Variants in EXOC4 observed in about 807,000 individuals in gnomAD.
EXOC4 encodes the protein exocyst complex component 4, also known as SEC8-like 1.
EXOC4 carries 71 observed loss-of-function variants against 107.2 expected under a neutral mutation model. The ratio of observed to expected loss-of-function variants is 0.66; its 90% CI spans 0.55 to 0.81. EXOC4 has a LOEUF of 0.81. Ranked by LOEUF, EXOC4 falls within the 30% of genes least tolerant of loss-of-function variation. The pLI is 0.00. For synonymous variants in EXOC4, 456 were observed against 441.2 expected (o/e 1.03, Z -0.42); for missense variants, 1,108 against 1,189.6 (o/e 0.93, Z 1.01).
downstream of EXOC4, among the ~76,000 whole-genome samples, chr7:134,068,528 T>G (rs980962123): frequency 2.6e-5 from 4 of 151,380 alleles, no homozygotes; most frequent in African/African-American, 9.7e-5. Context: ...AACCTCTTTT[T>G]CATTATAAAT....
intron 14 of EXOC4, among the ~76,000 whole-genome samples, chr7:133,952,159 GA>G (rs552541214): frequency 2.2e-4 from 28 of 127,338 alleles, no homozygotes; most frequent in Middle Eastern, 3.9e-3. Flanking sequence ...CTGTGTCTCA[GA>G]AAAAAAAAAA....
chr7:133,340,423 C>CTTTTTTTTTTTTTTTTTTTTTTTTTTTT (rs200341512), intron 5 of EXOC4, among the ~76,000 whole-genome samples: 1 of 129,558 alleles, frequency 7.7e-6, no homozygotes, highest in Non-Finnish European at 1.7e-5. Flanking sequence ...TAGTATTTTT[C>CTTTTTTTTTTTTTTTTTTTTTTTTTTTT]TTTTTTTTTT....
intron 9 of EXOC4, among the ~76,000 whole-genome samples, chr7:133,534,104 C>T (rs564693591): frequency 2.0e-5 from 3 of 152,166 alleles, no homozygotes; most frequent in African/African-American, 4.8e-5. Flanking sequence ...CCAGTGTTCC[C>T]TGTATTTTCA....
At chr7:133,301,421 C>G (rs2150562242) in intron 3 of EXOC4, among the ~76,000 whole-genome samples, 1 of 152,250 alleles carries the variant, frequency 6.6e-6, no homozygotes, top group East Asian at 1.9e-4. Context: ...TACTGCAACT[C>G]CAAGGTAGAC....
At chr7:133,367,348 G>A (rs1227154852) in intron 6 of EXOC4, among the ~76,000 whole-genome samples, 1 of 152,160 alleles carries the variant, frequency 6.6e-6, no homozygotes, top group Non-Finnish European at 1.5e-5. Context: ...GTGGAGGGTT[G>A]TGGAGCCAGT....
chr7:133,574,297 A>G (rs1003315791), intron 9 of EXOC4, among the ~76,000 whole-genome samples: 1 of 152,216 alleles, frequency 6.6e-6, no homozygotes, highest in Non-Finnish European at 1.5e-5. Context: ...TATGAACTCT[A>G]TATACATACA....
chr7:133,672,034 T>C (rs937099234), intron 10 of EXOC4, among the ~76,000 whole-genome samples: 14 of 152,140 alleles, frequency 9.2e-5, no homozygotes, highest in African/African-American at 3.4e-4. Context: ...GATGGAAATG[T>C]TTTATATCTT....
At chr7:133,795,869 A>G (rs961189226) in intron 10 of EXOC4, among the ~76,000 whole-genome samples, 1 of 152,174 alleles carries the variant, frequency 6.6e-6, no homozygotes, top group Admixed American at 6.5e-5. Context: ...TTTAAAAATT[A>G]CCATTATTAT....
chr7:133,912,105 A>T (rs1003236517), intron 12 of EXOC4, among the ~76,000 whole-genome samples: 4 of 152,256 alleles, frequency 2.6e-5, no homozygotes, highest in Admixed American at 2.0e-4. Context: ...ACATACAAAG[A>T]CAGCTGATGG....
At chr7:133,950,702 T>C (rs902234016) in intron 14 of EXOC4, among the ~76,000 whole-genome samples, 2 of 152,230 alleles carry the variant, frequency 1.3e-5, no homozygotes, top group African/African-American at 4.8e-5. Flanking sequence ...TTAAGATTTG[T>C]GGATTATTGT....
At chr7:133,979,622 C>A (rs1006053644) in intron 14 of EXOC4, among the ~76,000 whole-genome samples, 1 of 151,996 alleles carries the variant, frequency 6.6e-6, no homozygotes, top group African/African-American at 2.4e-5. Context: ...CCTGTCTCTA[C>A]CAAAAATACA....
intron 9 of EXOC4, among the ~76,000 whole-genome samples, chr7:133,511,144 T>C (rs1020301312): frequency 6.6e-6 from 1 of 152,178 alleles, no homozygotes; most frequent in African/African-American, 2.4e-5. Flanking sequence ...GCCTGAGGTC[T>C]GTGAATTAAA....
At chr7:133,802,782 GA>G (rs33992356) in intron 10 of EXOC4, among the ~76,000 whole-genome samples, 149,405 of 149,406 alleles carry the variant, frequency 1, 74,702 homozygotes, top group Non-Finnish European at 1. Flanking sequence ...GGGAGGCGGA[GA>G]GTTGCAGTGA....
chr7:133,626,212 A>AT lies in EXOC4; in HGVS notation c.1418-3833_1418-3832insT, dbSNP rs147142771. Among the ~76,000 whole-genome samples, 1,270 of 152,082 alleles carry AT rather than the reference A, an allele frequency of 8.4e-3. 62 individuals are homozygous for AT. The East Asian group carries it at 0.14, about 17-fold the overall frequency. ...ACAGAGCAAGACTCCATCTCCAAAA[A>AT]AAAAAGGTTCCTGACAGTAGGTCCC... On this transcript the variant is annotated intron_variant, in intron 9 of 17. Transcript: ENST00000253861.
Position 133,896,887 on chromosome 7 carries a change from A to T in EXOC4, c.1871+1152A>T, listed in dbSNP as rs75977296. On this transcript the variant is annotated intron_variant, in intron 12 of 17. Coordinates refer to ENST00000253861, the MANE Select transcript of EXOC4 (RefSeq NM_021807.4). Reference sequence around the variant, plus strand: ...ACCATGTTGGCCAGGCTGGTCGCGAATTCCTAACCTCATGATCCGCCCACC... The same window carrying T: ...ACCATGTTGGCCAGGCTGGTCGCGATTTCCTAACCTCATGATCCGCCCACC... Among the ~76,000 whole-genome samples the T allele has an allele frequency of 1.4e-4, 5 of 36,668 alleles. 2 individuals are homozygous for T. Among genetic ancestry groups the T allele is most frequent in the African/African-American group, 6.0e-4 (1 of 1,680 alleles). The allele number at this position is 36,668 out of a possible 152,430, so 24.1% of individuals were successfully genotyped here.
At chr7:133,949,354 C>A (rs116500590) in intron 14 of EXOC4, among the ~76,000 whole-genome samples, 7 of 152,222 alleles carry the variant, frequency 4.6e-5, no homozygotes, top group African/African-American at 1.7e-4. Context: ...GAGCTCTGGT[C>A]GTTGAATCCT....
At chr7:133,419,968 T>C (rs76427063) in intron 7 of EXOC4, among the ~76,000 whole-genome samples, 70 of 150,594 alleles carry the variant, frequency 4.6e-4, no homozygotes, top group Admixed American at 9.2e-4. Flanking sequence ...CTTCTTCTTT[T>C]TTTTTTTTTT....
chr7:133,375,011 CT>C lies in EXOC4; in HGVS notation c.1182+13del. ...TCCAAGATGTTCTACAGGTAAGAGC[CT>C]TTTACAAAGGGTGTCATCTTGATTC... On this transcript the variant is annotated intron_variant, in intron 7 of 17. Coordinates refer to ENST00000253861, the MANE Select transcript of EXOC4 (RefSeq NM_021807.4). 2 of 1,608,364 alleles carry C rather than the reference CT, an allele frequency of 1.2e-6. No individual in the cohort carries two copies. The highest frequency in any genetic ancestry group is 8.5e-7 in the Non-Finnish European group (1 of 1,177,200).
chr7:133,389,296 C>T (rs1313813514), intron 7 of EXOC4, among the ~76,000 whole-genome samples: 1 of 151,872 alleles, frequency 6.6e-6, no homozygotes, highest in Non-Finnish European at 1.5e-5. Context: ...GTCGGCTGGG[C>T]ATGGTGGCTC....
Sources: gnomAD v4.1 joint callset for allele counts (sites outside exome capture counted in the v4.1 genomes callset) on GRCh38, gnomAD v4.1.1 for gene constraint, MANE v1.5 for transcripts, NCBI Gene and HGNC (gene_info 2026-07-23, HGNC 2026-07-21) for gene names.